Variants in SMAD5 observed in about 807,000 individuals in gnomAD.
SMAD5 encodes the protein SMAD family member 5.
A neutral mutation model predicts 43.1 loss-of-function variants in SMAD5; 9 were observed. That is an observed-to-expected ratio of 0.21 (90% CI 0.13 to 0.36). The LOEUF is 0.36. Among genes scored for constraint, SMAD5 ranks in the 10% least tolerant of loss-of-function variants. The pLI is 1.00. For synonymous variants in SMAD5, 190 were observed against 192.4 expected, an observed-to-expected ratio of 0.99 and a Z score of 0.10; for missense variants, 348 against 574.0, an observed-to-expected ratio of 0.61 and a Z score of 4.02.
intron 3 of SMAD5, among the ~76,000 whole-genome samples, chr5:136,156,102 A>G (rs746959847): frequency 2.0e-5 from 3 of 152,196 alleles, no homozygotes; most frequent in Admixed American, 6.5e-5. Flanking sequence ...CAGAAGCTCA[A>G]TTAGGGAAGG....
At chr5:136,158,866 T>G (rs1016667709) in intron 3 of SMAD5, among the ~76,000 whole-genome samples, 10 of 150,926 alleles carry the variant, frequency 6.6e-5, no homozygotes, top group African/African-American at 2.2e-4. Context: ...GCCAGTGCAC[T>G]CCAGCCTGGG....
intron 2 of SMAD5, among the ~76,000 whole-genome samples, chr5:136,151,541 G>A (rs139579161): frequency 3.8e-4 from 58 of 152,142 alleles, no homozygotes; most frequent in African/African-American, 1.3e-3. Flanking sequence ...AATTAGGTAG[G>A]ATAATGGTTA....
intron 1 of SMAD5, among the ~76,000 whole-genome samples, chr5:136,141,639 C>T (rs1753086438): frequency 6.6e-6 from 1 of 152,166 alleles, no homozygotes; most frequent in South Asian, 2.1e-4. Flanking sequence ...TTAGTAGGTG[C>T]TCAATAAGTG....
intron 1 of SMAD5, among the ~76,000 whole-genome samples, chr5:136,144,395 A>G (rs1320565636): frequency 6.6e-6 from 1 of 150,418 alleles, no homozygotes; most frequent in Non-Finnish European, 1.5e-5. Flanking sequence ...TAGTAAGAGC[A>G]AAAAAGAGAA....
chr5:136,168,397 TTTTG>T (rs869076275), intron 5 of SMAD5, among the ~76,000 whole-genome samples: 1 of 64,282 alleles, frequency 1.6e-5, no homozygotes, highest in Non-Finnish European at 2.9e-5. Context: ...CATTTAGTTG[TTTTG>T]TTTTTTTGTT....
intron 2 of SMAD5, among the ~76,000 whole-genome samples, chr5:136,151,044 T>C (rs976961542): frequency 6.6e-6 from 1 of 152,020 alleles, no homozygotes; most frequent in Non-Finnish European, 1.5e-5. Context: ...ATCATAGATA[T>C]CTATAAATAA....
intron 3 of SMAD5, among the ~76,000 whole-genome samples, chr5:136,158,909 A>AAC (rs375242522): frequency 6.6e-6 from 1 of 152,006 alleles, no homozygotes; most frequent in African/African-American, 2.4e-5. Flanking sequence ...AAAAAAAAAA[A>AAC]GATGGAAGAT....
intron 1 of SMAD5, among the ~76,000 whole-genome samples, chr5:136,139,126 CTCTGTGTGTG>C (rs955352131): frequency 7.1e-6 from 1 of 139,872 alleles, no homozygotes; most frequent in African/African-American, 3.1e-5. Context: ...TAGCTGTGAG[CTCTGTGTGTG>C]TGTGTGTGTG....
At chr5:136,134,054 T>C (rs1004248304) in intron 1 of SMAD5, 1 of 15,790 alleles carries the variant, frequency 6.3e-5, no homozygotes, top group Non-Finnish European at 1.6e-4. Context: ...GGGGGGGGGG[T>C]GTTGCGGGGG....
At chr5:136,157,440 A>G (rs187357608) in intron 3 of SMAD5, among the ~76,000 whole-genome samples, 3 of 152,252 alleles carry the variant, frequency 2.0e-5, no homozygotes, top group Admixed American at 1.3e-4. Flanking sequence ...CATTATATTT[A>G]TTGTGCACTT....
At chr5:136,161,192 G>A (rs1753816567) in intron 4 of SMAD5, 85 bp downstream of exon 4, 3 of 1,198,444 alleles carry the variant, frequency 2.5e-6, no homozygotes, top group African/African-American at 3.5e-5. Flanking sequence ...TGGGTGAACT[G>A]TTACATGCCA....
chr5:136,170,958 T>C (rs565847942), intron 5 of SMAD5, among the ~76,000 whole-genome samples: 3 of 152,192 alleles, frequency 2.0e-5, no homozygotes, highest in Non-Finnish European at 4.4e-5. Context: ...GTTCCAGGAA[T>C]TTTTTGGTCA....
At chr5:136,142,499 G>A (rs1420409114) in intron 1 of SMAD5, among the ~76,000 whole-genome samples, 1 of 152,048 alleles carries the variant, frequency 6.6e-6, no homozygotes, top group Non-Finnish European at 1.5e-5. Flanking sequence ...GGAACCTCAC[G>A]TACACAGGAA....
In SMAD5 at chr5:136,147,848, G is replaced by A. The variant is rs1378868573; in HGVS notation, c.-228G>A. Reference sequence around the variant, plus strand: ...TTTTTTTAGAAAGGAAGCTGTTGAAGTTATTGAAGTACCTGTTGCTATATT... The same window carrying A: ...TTTTTTTAGAAAGGAAGCTGTTGAAATTATTGAAGTACCTGTTGCTATATT... On this transcript the variant is annotated 5_prime_UTR_variant, in exon 2 of 8. Transcript: ENST00000545279. The A allele has an allele frequency of 1.5e-4, 22 of 151,538 alleles. No individual in the cohort carries two copies. Among genetic ancestry groups the A allele is most frequent in the Admixed American group, 1.4e-3 (22 of 15,176 alleles). 9.4% of individuals were successfully genotyped at this position (151,538 alleles called of 1,614,324 possible).
chr5:136,133,234 C>T (rs1752737372), intron 1 of SMAD5: 2 of 152,384 alleles, frequency 1.3e-5, no homozygotes, highest in African/African-American at 4.8e-5. Context: ...GCTGTTACCG[C>T]CCAGACTTTG....
intron 5 of SMAD5, among the ~76,000 whole-genome samples, chr5:136,170,397 TTTACTTGGG>T (rs1561656844): frequency 1.3e-5 from 2 of 152,196 alleles, no homozygotes; most frequent in African/African-American, 2.4e-5. Context: ...GTTGACTGTA[TTTACTTGGG>T]TCTATTTCTA....
chr5:136,167,081 A>G (rs1754043896), intron 5 of SMAD5, among the ~76,000 whole-genome samples: 1 of 152,212 alleles, frequency 6.6e-6, no homozygotes, highest in Non-Finnish European at 1.5e-5. Context: ...CCTGTTAGCA[A>G]CAATACGTCT....
chr5:136,174,963 A>T (rs879121187), intron 7 of SMAD5, among the ~76,000 whole-genome samples: 1 of 152,194 alleles, frequency 6.6e-6, no homozygotes, highest in Admixed American at 6.5e-5. Flanking sequence ...CATACTCAAG[A>T]CTGGGTAATT....
chr5:136,149,149 A>T (rs2149765537), intron 2 of SMAD5, among the ~76,000 whole-genome samples: 1 of 151,990 alleles, frequency 6.6e-6, no homozygotes, highest in East Asian at 1.9e-4. Context: ...AGAATTCTCC[A>T]TGTTTTACAC....
Sources: gnomAD v4.1 joint callset for allele counts (sites outside exome capture counted in the v4.1 genomes callset) on GRCh38, gnomAD v4.1.1 for gene constraint, MANE v1.5 for transcripts, NCBI Gene and HGNC (gene_info 2026-07-23, HGNC 2026-07-21) for gene names.